The following NCKAP5 variants were observed in gnomAD, a reference collection of about 807,000 sequenced individuals.
The protein encoded by NCKAP5 is NCK associated protein 5.
In NCKAP5, 92 loss-of-function variants were observed where a neutral mutation model predicts 167.0. The observed-to-expected ratio is 0.55, with a 90% CI of 0.47 to 0.66. NCKAP5 has a LOEUF of 0.66. Among genes scored for constraint, NCKAP5 ranks in the 30% least tolerant of loss-of-function variants. The pLI is 0.00. For synonymous variants in NCKAP5, 891 were observed against 877.4 expected (o/e 1.02, Z -0.27); for missense variants, 2,378 against 2,315.0 (o/e 1.03, Z -0.56).
intron 16 of NCKAP5, among the ~76,000 whole-genome samples, chr2:132,766,211 T>C (rs1297833175): frequency 2.2e-5 from 3 of 135,640 alleles, no homozygotes; most frequent in Non-Finnish European, 4.5e-5. Flanking sequence ...ACCAGGGTGT[T>C]GGAGGTTGCA....
At chr2:133,611,308 G>T in the NCKAP5 span, among the ~76,000 whole-genome samples, 2 of 144,186 alleles carry the variant, frequency 1.4e-5, no homozygotes, top group East Asian at 2.1e-4. Flanking sequence ...AAGCATTTCT[G>T]GTCTCCTTCT....
chr2:133,195,644 T>G (rs776523770), intron 5 of NCKAP5, among the ~76,000 whole-genome samples: 67 of 152,278 alleles, frequency 4.4e-4, no homozygotes, highest in Non-Finnish European at 7.6e-4. Flanking sequence ...GCAGCCTTAT[T>G]ATGGATCTTT....
chr2:133,179,448 C>T (rs1314553454), intron 5 of NCKAP5, among the ~76,000 whole-genome samples: 5 of 151,682 alleles, frequency 3.3e-5, no homozygotes, highest in African/African-American at 7.3e-5. Context: ...AAAAAAATCA[C>T]TCATAAAACA....
intron 2 of NCKAP5, among the ~76,000 whole-genome samples, chr2:133,551,118 T>A (rs1687254461): frequency 6.6e-6 from 1 of 151,858 alleles, no homozygotes; most frequent in Admixed American, 6.6e-5. Flanking sequence ...TGGAAGAACA[T>A]TCCATGCTCA....
At chr2:133,308,467 A>C (rs995910702) in intron 3 of NCKAP5, among the ~76,000 whole-genome samples, 11 of 152,028 alleles carry the variant, frequency 7.2e-5, no homozygotes, top group Admixed American at 6.6e-5. Flanking sequence ...AACTGGGGAA[A>C]GCAATTTGGT....
chr2:133,657,062 A>G, the NCKAP5 span, among the ~76,000 whole-genome samples: 4 of 152,210 alleles, frequency 2.6e-5, no homozygotes, highest in African/African-American at 9.6e-5. Context: ...TTAGAATACT[A>G]GTCTCCAAAC....
chr2:133,638,528 G>T, the NCKAP5 span, among the ~76,000 whole-genome samples: 4 of 152,140 alleles, frequency 2.6e-5, no homozygotes, highest in African/African-American at 4.8e-5. Context: ...ATGGCACTAC[G>T]TCCAAATGTT....
intron 6 of NCKAP5, among the ~76,000 whole-genome samples, chr2:133,005,342 T>C (rs889987299): frequency 6.6e-6 from 1 of 152,238 alleles, no homozygotes; most frequent in African/African-American, 2.4e-5. Context: ...TCACAATTTA[T>C]GTTCTTCTGC....
chr2:132,733,162 G>T (rs887145605), intron 16 of NCKAP5, among the ~76,000 whole-genome samples: 5 of 152,206 alleles, frequency 3.3e-5, no homozygotes, highest in Non-Finnish European at 5.9e-5. Context: ...TGGAATGGTG[G>T]TGTGGTTTAT....
chr2:132,692,320 G>C lies in NCKAP5; in HGVS notation c.5714-19015C>G, dbSNP rs148971153. 2.6e-5 allele frequency among the ~76,000 whole-genome samples: 4 copies of C among 151,692 alleles called. No individual in the cohort carries two copies. The East Asian group carries it at 7.8e-4, about 30-fold the overall frequency. The stretch of plus-strand genomic sequence containing the variant: ...ACCATGCCCAGTTAATTTTGTTGTT[G>C]TTGTTGTTTTTTAGTAGAGATGGGG... On this transcript the variant is annotated intron_variant, in intron 19 of 19. Transcript: ENST00000409261.
At chr2:133,178,005 C>CAA (rs1265464900) in intron 5 of NCKAP5, among the ~76,000 whole-genome samples, 4 of 152,158 alleles carry the variant, frequency 2.6e-5, no homozygotes, top group Non-Finnish European at 5.9e-5. Context: ...CTTCCCATCC[C>CAA]AATAGGGGTG....
At chr2:133,451,527 C>T (rs569037336) in intron 3 of NCKAP5, among the ~76,000 whole-genome samples, 8 of 152,316 alleles carry the variant, frequency 5.3e-5, no homozygotes, top group South Asian at 2.1e-4. Flanking sequence ...ATGCCACACA[C>T]GGCCATGCAA....
chr2:133,168,210 A>G (rs16857909), intron 5 of NCKAP5, among the ~76,000 whole-genome samples: 20,663 of 151,364 alleles, frequency 0.14, 1,602 homozygotes, highest in East Asian at 0.39. Flanking sequence ...CTTAATCACT[A>G]CCTTACGAAT....
At chr2:133,470,592 G>A (rs1002450016) in intron 3 of NCKAP5, among the ~76,000 whole-genome samples, 4 of 152,240 alleles carry the variant, frequency 2.6e-5, no homozygotes, top group African/African-American at 7.2e-5. Context: ...GGGCAATGGC[G>A]GGTGCCCCTC....
chr2:133,430,269 A>T (rs1690073957), intron 3 of NCKAP5, among the ~76,000 whole-genome samples: 1 of 152,134 alleles, frequency 6.6e-6, no homozygotes, highest in Non-Finnish European at 1.5e-5. Flanking sequence ...GATTCTGAAT[A>T]TTAGTCCTTT....
At chr2:133,095,902 T>G (rs919789233) in intron 6 of NCKAP5, among the ~76,000 whole-genome samples, 1 of 152,164 alleles carries the variant, frequency 6.6e-6, no homozygotes, top group Non-Finnish European at 1.5e-5. Flanking sequence ...AACAAACCAC[T>G]GTGAGTACTT....
intron 11 of NCKAP5, among the ~76,000 whole-genome samples, chr2:132,839,859 A>G (rs913916549): frequency 6.6e-6 from 1 of 151,994 alleles, no homozygotes; most frequent in Admixed American, 6.6e-5. Flanking sequence ...TATTTTGTAT[A>G]TTATACATTT....
chr2:133,655,490 C>T, the NCKAP5 span, among the ~76,000 whole-genome samples: 1 of 152,150 alleles, frequency 6.6e-6, no homozygotes, highest in Admixed American at 6.5e-5. Flanking sequence ...CACTCTCCAT[C>T]AGCTTTACCT....
At chr2:133,551,838 C>T (rs1333274878) in intron 2 of NCKAP5, among the ~76,000 whole-genome samples, 1 of 130,128 alleles carries the variant, frequency 7.7e-6, no homozygotes. Flanking sequence ...TTTTTGCAAC[C>T]TACTCATCTG....
Sources: gnomAD v4.1 joint callset for allele counts (sites outside exome capture counted in the v4.1 genomes callset) on GRCh38, gnomAD v4.1.1 for gene constraint, MANE v1.5 for transcripts, NCBI Gene and HGNC (gene_info 2026-07-23, HGNC 2026-07-21) for gene names.